Variants in PIK3C3 observed in about 807,000 individuals in gnomAD.
PIK3C3 encodes PI3-kinase type 3.
In PIK3C3, 95 loss-of-function variants were observed where a neutral mutation model predicts 126.1. That is an observed-to-expected ratio of 0.75 (90% CI 0.64 to 0.89). The LOEUF (loss-of-function observed/expected upper bound fraction) is 0.89, where lower values mean the gene tolerates loss of function less well. Among genes scored for constraint, PIK3C3 ranks in the 40% least tolerant of loss-of-function variants. The probability of loss-of-function intolerance (pLI) is 0.00; values close to 1 mark genes in which losing one functional copy is unlikely to be tolerated. For synonymous variants in PIK3C3, 374 were observed against 360.0 expected (o/e 1.04, Z -0.44); for missense variants, 829 against 1,063.2 (o/e 0.78, Z 3.06).
Position 41,996,000 on chromosome 18 carries a change from A to G in PIK3C3, c.891+6A>G. Reference sequence around the variant, plus strand: ...CCACGAGAGATCAGTTAAATGTAAGAGAATTATGAAATATTAATTTAAAAA... The same window carrying G: ...CCACGAGAGATCAGTTAAATGTAAGGGAATTATGAAATATTAATTTAAAAA... On this transcript the variant is annotated splice_donor_region_variant and intron_variant, in intron 8 of 24. Transcript: ENST00000262039. The G allele has an allele frequency of 6.4e-7, 1 of 1,563,588 alleles. No individual in the cohort carries two copies. Among genetic ancestry groups the G allele is most frequent in the African/African-American group, 1.4e-5 (1 of 73,964 alleles).
At chr18:42,035,266 C>CCCAAAGAAGA (rs1270545347) in intron 16 of PIK3C3, among the ~76,000 whole-genome samples, 1 of 152,032 alleles carries the variant, frequency 6.6e-6, no homozygotes, top group South Asian at 2.1e-4. Flanking sequence ...GGCTAGAACT[C>CCCAAAGAAGA]CCAAAGAAGA....
At chr18:41,968,514 C>T (rs1980487110) in intron 3 of PIK3C3, among the ~76,000 whole-genome samples, 1 of 152,076 alleles carries the variant, frequency 6.6e-6, no homozygotes. Context: ...TTGTATGGGT[C>T]CATAAGGTAA....
At chr18:42,053,413 G>T (rs895123680) in intron 21 of PIK3C3, among the ~76,000 whole-genome samples, 1 of 152,140 alleles carries the variant, frequency 6.6e-6, no homozygotes, top group Admixed American at 6.6e-5. Flanking sequence ...TAAAAGTGTA[G>T]CGATTGTATT....
rs1461075078 is a variant in PIK3C3, at chr18:42,076,103, TATATATATATATATATATGCGC to T, written c.2650-4983_2650-4962del. ...GCTTTACCTTGCATATATATATATA[TATATATATATATATATATGCGC>T]ATATATATATATATATATGCGCATA... is the stretch of plus-strand genomic sequence containing the variant. On this transcript the variant is annotated intron_variant, in intron 24 of 24. Transcript: ENST00000262039. Among the ~76,000 whole-genome samples the T allele has an allele frequency of 2.9e-3, 195 of 66,506 alleles. 6 individuals are homozygous for T. Among genetic ancestry groups the T allele is most frequent in the African/African-American group, 0.01 (131 of 12,738 alleles). 43.6% of individuals were successfully genotyped at this position (66,506 alleles called of 152,430 possible). A position where few individuals can be genotyped will look rare whatever the true frequency, so the allele number is the denominator to read the frequency against.
Position 41,996,661 on chromosome 18 carries a change from C to A in PIK3C3, c.915C>A (p.Thr305=). The change falls in exon 9 of 25, where the codon ACC becomes ACA. Residue 305 remains threonine (T), a synonymous_variant. Transcript: ENST00000262039. Reference sequence around the variant, plus strand: ...AGATTATTGTGAGTTATCCACCAACCAAGCAACTTACATATGAAGAACAAG... The same window carrying A: ...AGATTATTGTGAGTTATCCACCAACAAAGCAACTTACATATGAAGAACAAG... ...QLNIIVSYPP[T]KQLTYEEQDL... The A allele has an allele frequency of 6.4e-7, 1 of 1,570,254 alleles. No homozygotes were observed.
chr18:42,002,950 A>G (rs929592691), intron 9 of PIK3C3, among the ~76,000 whole-genome samples: 5 of 152,182 alleles, frequency 3.3e-5, no homozygotes, highest in African/African-American at 9.7e-5. Context: ...GGGACTAACT[A>G]GGGAATGGAG....
intron 24 of PIK3C3, among the ~76,000 whole-genome samples, chr18:42,074,510 T>C (rs1024149116): frequency 7.9e-5 from 12 of 152,158 alleles, no homozygotes; most frequent in Non-Finnish European, 1.2e-4. Context: ...TTGATAAAAC[T>C]CTAATTCATG....
At chr18:42,002,675 T>A (rs1982344127) in intron 9 of PIK3C3, among the ~76,000 whole-genome samples, 1 of 152,192 alleles carries the variant, frequency 6.6e-6, no homozygotes, top group African/African-American at 2.4e-5. Flanking sequence ...TTTTTGGCAT[T>A]CATGTTGTGG....
chr18:42,054,089 C>G lies in PIK3C3; in HGVS notation c.2264-3794C>G, dbSNP rs1314098493. On this transcript the variant is annotated intron_variant, in intron 21 of 24. Coordinates refer to ENST00000262039, the MANE Select transcript of PIK3C3 (RefSeq NM_002647.4). ...TGGACATTTTCTTTCAATATAGCTC[C>G]TGTAATACAGGGTTCTCTAGAGGGA... Among the ~76,000 whole-genome samples the G allele has an allele frequency of 3.6e-5, 4 of 110,934 alleles. No homozygotes were observed. The Admixed American group carries it at 4.0e-4, about 11-fold the overall frequency. The allele number at this position is 110,934 out of a possible 152,430, so 72.8% of individuals were successfully genotyped here. A position where few individuals can be genotyped will look rare whatever the true frequency, so the allele number is the denominator to read the frequency against.
intron 2 of PIK3C3, 112 bp from the exon 3 acceptor site, chr18:41,962,377 A>T: frequency 1.3e-6 from 1 of 778,416 alleles, no homozygotes; most frequent in Non-Finnish European, 1.8e-6. Flanking sequence ...TTAGAGTCTA[A>T]CAACATTTTT....
At chr18:41,964,109 A>G (rs1980235513) in intron 3 of PIK3C3, among the ~76,000 whole-genome samples, 2 of 152,262 alleles carry the variant, frequency 1.3e-5, no homozygotes, top group South Asian at 4.1e-4. Flanking sequence ...TTATATTAAA[A>G]TCTTTGATTT....
intron 17 of PIK3C3, 107 bp downstream of exon 17, chr18:42,037,927 G>A (rs1260720703): frequency 2.5e-5 from 26 of 1,053,638 alleles, no homozygotes; most frequent in South Asian, 1.1e-4. Flanking sequence ...ATTCAGGTAC[G>A]ATCCTAGAAA....
intron 7 of PIK3C3, among the ~76,000 whole-genome samples, chr18:41,993,669 G>A (rs1981891425): frequency 1.3e-5 from 2 of 151,850 alleles, no homozygotes; most frequent in South Asian, 4.2e-4. Context: ...ACTGGTATTT[G>A]AAAGATTGCC....
At chr18:42,042,787 A>G (rs1431734417) in intron 19 of PIK3C3, among the ~76,000 whole-genome samples, 1 of 152,220 alleles carries the variant, frequency 6.6e-6, no homozygotes, top group Non-Finnish European at 1.5e-5. Flanking sequence ...TGTTTTCCAA[A>G]ACAGTAACAC....
intron 24 of PIK3C3, among the ~76,000 whole-genome samples, chr18:42,076,129 T>TATATATATATATATGCGC (rs1342780243): frequency 1.2e-5 from 1 of 81,692 alleles, no homozygotes; most frequent in Middle Eastern, 5.0e-3. Flanking sequence ...TATGCGCATA[T>TATATATATATATATGCGC]ATATATATAT....
At chr18:41,955,579 A>G (rs1979727814) in intron 1 of PIK3C3, 15 of 493,156 alleles carry the variant, frequency 3.0e-5, no homozygotes, top group Non-Finnish European at 4.7e-5. Context: ...GAAGCACAGC[A>G]GTAGGAATAG....
rs1414865022 is a variant in PIK3C3 at position 41,996,542 on chromosome 18, A to G, written c.892-96A>G. 1.5e-5 allele frequency: 8 copies of G among 543,682 alleles called. No individual in the cohort carries two copies. The Admixed American group carries it at 2.4e-4, about 16-fold the overall frequency. The allele number at this position is 543,682 out of a possible 1,614,324, so 33.7% of individuals were successfully genotyped here. A position where few individuals can be genotyped will look rare whatever the true frequency, so the allele number is the denominator to read the frequency against. ...CTTGCTTGTGTAATAATTGTAGTAT[A>G]GAATTATTTAAATAAATGAAAAATA... On this transcript the variant is annotated intron_variant, in intron 8 of 24. Transcript: ENST00000262039.
At chr18:42,018,717 A>G (rs532130323) in intron 12 of PIK3C3, among the ~76,000 whole-genome samples, 3 of 152,106 alleles carry the variant, frequency 2.0e-5, no homozygotes, top group African/African-American at 4.8e-5. Context: ...GCTCCCTTCA[A>G]TGTTTGCTTT....
chr18:41,957,801 AC>A (rs750116266), intron 2 of PIK3C3, 43 bp downstream of exon 2: 33 of 1,442,888 alleles, frequency 2.3e-5, no homozygotes, highest in Non-Finnish European at 2.9e-5. Context: ...GACTGTTCTT[AC>A]CTTTCTTTAT....
Sources: gnomAD v4.1 joint callset for allele counts (sites outside exome capture counted in the v4.1 genomes callset) on GRCh38, gnomAD v4.1.1 for gene constraint, MANE v1.5 for transcripts, NCBI Gene and HGNC (gene_info 2026-07-23, HGNC 2026-07-21) for gene names.